COL18A1: variants seen among roughly 807,000 people sequenced by gnomAD.
COL18A1 encodes the protein collagen type XVIII alpha 1 chain.
COL18A1 carries 133 observed loss-of-function variants against 168.0 expected under a neutral mutation model. The observed-to-expected ratio is 0.79, with a 90% CI of 0.69 to 0.91. The LOEUF (loss-of-function observed/expected upper bound fraction) is 0.91, where lower values mean the gene tolerates loss of function less well. COL18A1 is among the 40% of genes least tolerant of loss of function. The pLI is 0.00. For synonymous variants in COL18A1, 949 were observed against 809.0 expected, an observed-to-expected ratio of 1.17 and a Z score of -2.94; for missense variants, 2,126 against 1,925.4, an observed-to-expected ratio of 1.10 and a Z score of -1.95.
chr21:45,489,719 C>A (rs1377992116), intron 19 of COL18A1, among the ~76,000 whole-genome samples, 198 bp downstream of exon 19: 1 of 151,942 alleles, frequency 6.6e-6, no homozygotes, highest in Non-Finnish European at 1.5e-5. Flanking sequence ...CCAGGGCACC[C>A]CCAGGTTTGA....
intron 4 of COL18A1, among the ~76,000 whole-genome samples, chr21:45,474,492 G>A (rs920822594): frequency 6.6e-6 from 1 of 151,848 alleles, no homozygotes; most frequent in Non-Finnish European, 1.5e-5. Flanking sequence ...TGTGTGTGGT[G>A]TGTCTCTGTG....
intron 2 of COL18A1, among the ~76,000 whole-genome samples, chr21:45,439,714 G>GGGCCTCCGGGT (rs1555973481): frequency 2.1e-5 from 3 of 146,130 alleles, no homozygotes; most frequent in Admixed American, 6.7e-5. Flanking sequence ...AGCCTGGGCG[G>GGGCCTCCGGGT]CTTTGGGCGC....
intron 32 of COL18A1, 55 bp downstream of exon 32, chr21:45,497,716 G>A (rs1004207031): frequency 4.5e-6 from 7 of 1,548,980 alleles, no homozygotes; most frequent in Non-Finnish European, 6.1e-6. Flanking sequence ...CAGCACTGAA[G>A]TGTGGTCACA....
intron 27 of COL18A1, 61 bp downstream of exon 27, chr21:45,494,632 G>T: frequency 6.2e-7 from 1 of 1,608,606 alleles, no homozygotes. Flanking sequence ...CAAGGACACG[G>T]TCGCCCGCGG....
intron 24 of COL18A1, 35 bp downstream of exon 24, chr21:45,492,748 G>GCCACT (rs1555870091): frequency 2.0e-5 from 30 of 1,530,278 alleles, no homozygotes; most frequent in Non-Finnish European, 2.5e-5. Context: ...CATGCTGCCC[G>GCCACT]GCTGGGGAGG....
At chr21:45,504,907 C>T (rs1004982744) in intron 34 of COL18A1, among the ~76,000 whole-genome samples, 4 of 124,804 alleles carry the variant, frequency 3.2e-5, no homozygotes, top group East Asian at 2.4e-4. Flanking sequence ...CCTGGGGGCC[C>T]ACACTGTTGT....
At chr21:45,510,943 ACACCCACAACACCC>A in intron 40 of COL18A1, among the ~76,000 whole-genome samples, 154 bp from the exon 41 acceptor site, 2 of 26,014 alleles carry the variant, frequency 7.7e-5, no homozygotes, top group Non-Finnish European at 1.2e-4. Flanking sequence ...AAAAAAACAC[ACACCCACAACACCC>A]CACATACACC....
In COL18A1 at chr21:45,471,621, T is replaced by G. The variant is rs923152394; in HGVS notation, c.652-2274T>G. On this transcript the variant is annotated intron_variant, in intron 3 of 41. Transcript: ENST00000651438. This position sits in a 1 kb window ranked among gnomAD's most constrained non-coding sequence, Gnocchi z 4.4. ...AAGAGTCCTTGGGCGTTGTTGGTCT[T>G]TTCAGGTTCACTTTCTTGAGTCAGG... Among the ~76,000 whole-genome samples the G allele has an allele frequency of 2.0e-5, 3 of 152,258 alleles. No individual in the cohort carries two copies. The highest frequency in any genetic ancestry group is 2.0e-4 in the Admixed American group (3 of 15,302).
At position 45,473,825 on chromosome 21, in the gene COL18A1, C is replaced by T; in HGVS notation, c.652-70C>T. 7.6e-7 allele frequency: 1 copy of T among 1,311,656 alleles called. No individual in the cohort carries two copies. The highest frequency in any genetic ancestry group is 1.1e-6 in the Non-Finnish European group (1 of 931,278). 81.3% of individuals were successfully genotyped at this position (1,311,656 alleles called of 1,614,324 possible). A position where few individuals can be genotyped will look rare whatever the true frequency, so the allele number is the denominator to read the frequency against. On this transcript the variant is annotated intron_variant, in intron 3 of 41. Coordinates refer to ENST00000651438, the MANE Select transcript of COL18A1 (RefSeq NM_001379500.1). This position sits in a 1 kb window ranked among gnomAD's most constrained non-coding sequence, Gnocchi z 4.0. Reference sequence around the variant, plus strand: ...TTTGTGGGCCCCCCGAAATCTGGAGCTCAAGCAGCACCGGGGTTGCCACTG... The same window carrying T: ...TTTGTGGGCCCCCCGAAATCTGGAGTTCAAGCAGCACCGGGGTTGCCACTG...
At chr21:45,488,748 A>T (rs2036200373) in intron 18 of COL18A1, among the ~76,000 whole-genome samples, 1 of 152,116 alleles carries the variant, frequency 6.6e-6, no homozygotes, top group Non-Finnish European at 1.5e-5. Context: ...AAAGAGGGGC[A>T]TAGGGGAAGA....
At position 45,427,448 on chromosome 21, in the gene COL18A1, G is replaced by A. The variant is rs573584654; in HGVS notation, c.106+21975G>A. ...CTCCCATGTCTGCCTCAGGCCTCTTGACCCGCCTGGCACTGACCAGACTGT... is the reference window on the plus strand; with the variant it reads ...CTCCCATGTCTGCCTCAGGCCTCTTAACCCGCCTGGCACTGACCAGACTGT... On this transcript the variant is annotated intron_variant, in intron 2 of 41. Transcript: ENST00000651438. Among the ~76,000 whole-genome samples, 31 of 152,292 alleles carry A rather than the reference G, an allele frequency of 2.0e-4. No individual in the cohort carries two copies. In the East Asian group the frequency reaches 2.9e-3, roughly 14 times the overall value.
At position 45,494,239 on chromosome 21, in the gene COL18A1, C is replaced by T. The variant is rs187284004; in HGVS notation, c.2353-306C>T. 23 of 476,032 alleles carry T rather than the reference C, an allele frequency of 4.8e-5. No homozygotes were observed. In the East Asian group the frequency reaches 7.1e-4, roughly 15 times the overall value. The allele number at this position is 476,032 out of a possible 1,614,324, so 29.5% of individuals were successfully genotyped here. A position where few individuals can be genotyped will look rare whatever the true frequency, so the allele number is the denominator to read the frequency against. On this transcript the variant is annotated intron_variant, in intron 26 of 41. Transcript: ENST00000651438. The stretch of plus-strand genomic sequence containing the variant: ...CTGTGGCAACCAGGACACTGCGTGG[C>T]ACATGCCCTCCACCCTCCACCCTCC...
intron 38 of COL18A1, among the ~76,000 whole-genome samples, chr21:45,508,455 A>ATGGGTGGATGGACAGGTGGG (rs1362360684): frequency 2.2e-4 from 26 of 120,364 alleles, no homozygotes; most frequent in Non-Finnish European, 4.4e-4. Context: ...GGGTGAGTGG[A>ATGGGTGGATGGACAGGTGGG]TGGGTGGATG....
In COL18A1 at chr21:45,510,081, C is replaced by T. The variant is rs763125574; in HGVS notation, c.3513C>T (p.Leu1171=). Residue 1171 remains leucine, a synonymous_variant, in exon 40 of 42, where the codon CTC becomes CTT. Coordinates refer to ENST00000651438, the MANE Select transcript of COL18A1 (RefSeq NM_001379500.1). ...DFQPVLHLVA[L]NSPLSGGMRG... is the part of the protein sequence containing the mutation. ...CCCCGCAGCTCCACCTGGTTGCGCT[C>T]AACAGCCCCCTGTCAGGCGGCATGC... 1.0e-5 allele frequency: 16 copies of T among 1,578,860 alleles called. No homozygotes were observed. The highest frequency in any genetic ancestry group is 1.3e-5 in the Non-Finnish European group (15 of 1,166,518).
At chr21:45,437,834 A>AC (rs1480459812) in intron 2 of COL18A1, among the ~76,000 whole-genome samples, 1 of 63,516 alleles carries the variant, frequency 1.6e-5, no homozygotes, top group East Asian at 4.4e-4. Flanking sequence ...ACACTCAGAC[A>AC]AGCACTCTCC....
chr21:45,503,677 C>A (rs1161032757), intron 32 of COL18A1, among the ~76,000 whole-genome samples: 1 of 150,638 alleles, frequency 6.6e-6, no homozygotes, highest in Non-Finnish European at 1.5e-5. Context: ...GGGAGATATA[C>A]CTAATGCTAG....
chr21:45,511,143 G>A lies in COL18A1; in HGVS notation c.3726G>A (p.Leu1242=). The A allele has an allele frequency of 6.3e-7, 1 of 1,595,134 alleles. No individual in the cohort carries two copies. The highest frequency in any genetic ancestry group is 8.5e-7 in the Non-Finnish European group (1 of 1,171,376). Reference sequence around the variant, plus strand: ...TGCTGTTTCCCAGCTGGGAGGCTCTGTTCTCAGGCTCTGAGGGTCCGCTGA... The same window carrying A: ...TGCTGTTTCCCAGCTGGGAGGCTCTATTCTCAGGCTCTGAGGGTCCGCTGA... The part of the protein sequence containing the change: ...DELLFPSWEA[L]FSGSEGPLKP... The change falls in exon 41 of 42, where the codon CTG becomes CTA. Residue 1242 remains leucine, a synonymous_variant. Coordinates refer to ENST00000651438, the MANE Select transcript of COL18A1 (RefSeq NM_001379500.1).
At chr21:45,411,354 G>T (rs2033283093) in intron 2 of COL18A1, among the ~76,000 whole-genome samples, 1 of 152,160 alleles carries the variant, frequency 6.6e-6, no homozygotes, top group South Asian at 2.1e-4. Flanking sequence ...GTGGGCTGAT[G>T]GGTGGCGAGG....
In COL18A1 at chr21:45,510,127, T is replaced by C; in HGVS notation, c.3559T>C (p.Phe1187Leu). The change falls in exon 40 of 42, where the codon TTC (phenylalanine) becomes CTC (leucine). Residue 1187 changes from phenylalanine to leucine, a missense_variant. Phe to Leu is a conservative substitution (Grantham distance 22). Coordinates refer to ENST00000651438, the MANE Select transcript of COL18A1 (RefSeq NM_001379500.1). The part of the protein sequence containing the change: ...GGMRGIRGAD[F>L]QCFQQARAVG... ...CATGCGGGGCATCCGCGGGGCCGAC[T>C]TCCAGTGCTTCCAGCAGGCGCGGGC... 1.3e-6 allele frequency: 2 copies of C among 1,599,998 alleles called. No homozygotes were observed. Among genetic ancestry groups the C allele is most frequent in the Non-Finnish European group, 8.5e-7 (1 of 1,174,360 alleles).
Sources: gnomAD v4.1 joint callset for allele counts (sites outside exome capture counted in the v4.1 genomes callset) on GRCh38, gnomAD v4.1.1 for gene constraint, Gnocchi (gnomAD v3.1) non-coding constraint, MANE v1.5 for transcripts, NCBI Gene and HGNC (gene_info 2026-07-23, HGNC 2026-07-21) for gene names.